Variants in TTC27 observed in about 807,000 individuals in gnomAD.
The protein encoded by TTC27 is tetratricopeptide repeat domain 27.
Under a neutral mutation model 115.9 loss-of-function variants are expected in TTC27, and 79 were observed. The ratio of observed to expected loss-of-function variants is 0.68; its 90% CI spans 0.57 to 0.82. The LOEUF is 0.82. Ranked by LOEUF, TTC27 falls within the 40% of genes least tolerant of loss-of-function variation. TTC27 has a pLI of 0.00. For synonymous variants in TTC27, 401 were observed against 356.0 expected (o/e 1.13, Z -1.42); for missense variants, 1,054 against 993.1 (o/e 1.06, Z -0.82).
intron 10 of TTC27, among the ~76,000 whole-genome samples, chr2:32,719,816 C>T (rs976055480): frequency 9.9e-5 from 15 of 152,144 alleles, no homozygotes; most frequent in East Asian, 1.9e-4. Flanking sequence ...GGCACAGTAC[C>T]GGAAGCTCCC....
chr2:32,812,754 C>G (rs1671360049), intron 18 of TTC27, 139 bp downstream of exon 18: 3 of 641,812 alleles, frequency 4.7e-6, no homozygotes, highest in South Asian at 4.0e-5. Flanking sequence ...GTATTTAATT[C>G]AGCAAACATT....
intron 5 of TTC27, among the ~76,000 whole-genome samples, chr2:32,661,861 TG>T (rs1665561037): frequency 6.6e-6 from 1 of 152,188 alleles, no homozygotes; most frequent in Non-Finnish European, 1.5e-5. Flanking sequence ...TCAGAGGAAA[TG>T]CTTCCAGCTT....
At chr2:32,734,022 A>G (rs1668377876) in intron 11 of TTC27, 99 bp downstream of exon 11, 1 of 809,174 alleles carries the variant, frequency 1.2e-6, no homozygotes. Flanking sequence ...GAATTTTCAA[A>G]TATTTTGCTA....
intron 3 of TTC27, among the ~76,000 whole-genome samples, chr2:32,636,965 C>G (rs1664451953): frequency 6.6e-6 from 1 of 152,196 alleles, no homozygotes. Context: ...GAACTTGCCT[C>G]TTTTAGCAGT....
intron 12 of TTC27, among the ~76,000 whole-genome samples, chr2:32,750,170 G>A (rs1363162704): frequency 2.0e-5 from 3 of 152,192 alleles, no homozygotes; most frequent in African/African-American, 7.2e-5. Flanking sequence ...ATTGAAATGG[G>A]ACCATGAAGC....
At chr2:32,703,712 T>A (rs1187775254) in intron 10 of TTC27, among the ~76,000 whole-genome samples, 3 of 152,222 alleles carry the variant, frequency 2.0e-5, no homozygotes, top group Non-Finnish European at 4.4e-5. Context: ...GCATTTAGTC[T>A]CTTTTACACA....
At chr2:32,669,632 C>T (rs1272019974) in intron 7 of TTC27, among the ~76,000 whole-genome samples, 2 of 151,940 alleles carry the variant, frequency 1.3e-5, no homozygotes, top group African/African-American at 2.4e-5. Flanking sequence ...CGCCTGTAGT[C>T]CCAGCACTTT....
chr2:32,722,609 T>C (rs995881421), intron 10 of TTC27, among the ~76,000 whole-genome samples: 2 of 152,202 alleles, frequency 1.3e-5, no homozygotes, highest in Non-Finnish European at 2.9e-5. Context: ...AGTCCATGCT[T>C]TTATCCACCA....
chr2:32,745,806 TG>T (rs1404667672), intron 12 of TTC27, among the ~76,000 whole-genome samples: 1 of 152,236 alleles, frequency 6.6e-6, no homozygotes. Context: ...CCTAACTGGC[TG>T]GAGCTAAGCA....
intron 9 of TTC27, among the ~76,000 whole-genome samples, chr2:32,699,405 A>G (rs1667108190): frequency 2.6e-5 from 4 of 152,322 alleles, no homozygotes; most frequent in South Asian, 4.1e-4. Context: ...AAGACTCTGA[A>G]TTAACTCTAT....
At chr2:32,692,835 G>GCA (rs1666861527) in intron 9 of TTC27, among the ~76,000 whole-genome samples, 1 of 152,034 alleles carries the variant, frequency 6.6e-6, no homozygotes, top group East Asian at 1.9e-4. Flanking sequence ...AGTTAGCCAG[G>GCA]CGTCGTGGTG....
At chr2:32,775,755 C>G (rs1315713518) in intron 13 of TTC27, among the ~76,000 whole-genome samples, 5 of 151,920 alleles carry the variant, frequency 3.3e-5, no homozygotes, top group African/African-American at 9.7e-5. Context: ...AACTGATAAG[C>G]TATTGGTTTT....
chr2:32,804,021 A>G (rs1671049530), intron 16 of TTC27, among the ~76,000 whole-genome samples: 1 of 152,006 alleles, frequency 6.6e-6, no homozygotes, highest in Non-Finnish European at 1.5e-5. Context: ...AAAAAAAAAA[A>G]AAAGAAAAAA....
chr2:32,791,855 A>G (rs1353949870), intron 16 of TTC27, among the ~76,000 whole-genome samples: 1 of 152,198 alleles, frequency 6.6e-6, no homozygotes, highest in Non-Finnish European at 1.5e-5. Flanking sequence ...AGCCTGGGCA[A>G]CAGAGCAAAA....
chr2:32,751,257 A>ACC (rs1356009494), intron 12 of TTC27, among the ~76,000 whole-genome samples: 5 of 74,098 alleles, frequency 6.7e-5, no homozygotes, highest in Non-Finnish European at 1.1e-4. Flanking sequence ...GGTAGGTTAA[A>ACC]CCACACACAC....
intron 16 of TTC27, among the ~76,000 whole-genome samples, chr2:32,795,147 C>T (rs1418550374): frequency 7.3e-6 from 1 of 136,800 alleles, no homozygotes; most frequent in African/African-American, 2.7e-5. Flanking sequence ...AAAAAAAAAA[C>T]AAACAAAACA....
At chr2:32,797,403 C>T (rs1670744553) in intron 16 of TTC27, among the ~76,000 whole-genome samples, 1 of 152,022 alleles carries the variant, frequency 6.6e-6, no homozygotes, top group Non-Finnish European at 1.5e-5. Context: ...ATCTCCATCC[C>T]CTGGGCTCAA....
intron 14 of TTC27, among the ~76,000 whole-genome samples, chr2:32,781,098 T>C (rs1670161485): frequency 6.6e-6 from 1 of 152,202 alleles, no homozygotes; most frequent in African/African-American, 2.4e-5. Context: ...TGATGAGGGA[T>C]GGCAGAGTGC....
At chr2:32,774,090 AC>A (rs1477175485) in intron 13 of TTC27, among the ~76,000 whole-genome samples, 3 of 152,272 alleles carry the variant, frequency 2.0e-5, no homozygotes, top group African/African-American at 7.2e-5. Flanking sequence ...TGTCTCAATA[AC>A]TTTGTATAGT....
Sources: gnomAD v4.1 joint callset for allele counts (sites outside exome capture counted in the v4.1 genomes callset) on GRCh38, gnomAD v4.1.1 for gene constraint, MANE v1.5 for transcripts, NCBI Gene and HGNC (gene_info 2026-07-23, HGNC 2026-07-21) for gene names.